MARS1: variants seen among roughly 807,000 people sequenced by gnomAD.
MARS1 encodes the protein methionyl-tRNA synthetase 1.
Under a neutral mutation model 119.5 loss-of-function variants are expected in MARS1, and 80 were observed. The observed-to-expected ratio is 0.67, with a 90% confidence interval of 0.56 to 0.81. MARS1 has a LOEUF of 0.81. Among genes scored for constraint, MARS1 ranks in the 30% least tolerant of loss-of-function variants. The probability of loss-of-function intolerance (pLI) is 0.00; values close to 1 mark genes in which losing one functional copy is unlikely to be tolerated. For missense variants in MARS1, 945 were observed against 1,116.5 expected, an observed-to-expected ratio of 0.85 and a Z score of 2.19; for synonymous variants, 418 against 433.4, an observed-to-expected ratio of 0.96 and a Z score of 0.44.
intron 7 of MARS1, among the ~76,000 whole-genome samples, chr12:57,496,571 G>A (rs1335637732): frequency 2.0e-5 from 3 of 152,104 alleles, no homozygotes; most frequent in African/African-American, 7.2e-5. Context: ...TTGAGCCCAG[G>A]AGTTCGAGAC....
chr12:57,489,564 T>C lies in MARS1; in HGVS notation c.414+6T>C, dbSNP rs1474715784. 3 of 1,613,906 alleles carry C rather than the reference T, an allele frequency of 1.9e-6. No individual in the cohort carries two copies. The highest frequency in any genetic ancestry group is 2.5e-6 in the Non-Finnish European group (3 of 1,179,986). ...ACTGTCCTTTCCTGGCTGGGGTGAG[T>C]TGGGTCTTGAGATGAGGACTGGGGA... On this transcript the variant is annotated splice_donor_region_variant and intron_variant, in intron 4 of 20. Transcript: ENST00000262027.
chr12:57,508,042 C>T (rs1877306269), intron 11 of MARS1, among the ~76,000 whole-genome samples: 1 of 151,928 alleles, frequency 6.6e-6, no homozygotes, highest in Admixed American at 6.6e-5. Context: ...GGCAGAGGCG[C>T]TCCCCACATC....
rs1877098464 is a variant in MARS1, at chr12:57,504,712, T to TC, written c.1368+413_1368+414insC. 2.7e-5 allele frequency among the ~76,000 whole-genome samples: 4 copies of TC among 147,558 alleles called. No individual in the cohort carries two copies. In the South Asian group the frequency reaches 6.7e-4, roughly 25 times the overall value. On this transcript the variant is annotated intron_variant, in intron 11 of 20. Coordinates refer to ENST00000262027, the MANE Select transcript of MARS1 (RefSeq NM_004990.4). ...CCTGACTGATTTTTTTTTTTTTTTT[T>TC]TTTTTTTTGAGACAGAGTTTCGCTC...
chr12:57,509,700 G>A (rs1194597151), intron 11 of MARS1, among the ~76,000 whole-genome samples: 4 of 152,090 alleles, frequency 2.6e-5, no homozygotes, highest in East Asian at 3.9e-4. Context: ...GTGAGCCATC[G>A]TGCCTGGCCA....
Position 57,498,415 on chromosome 12 carries a change from TG to T in MARS1, c.888-4del. 6.2e-7 allele frequency: 1 copy of T among 1,613,338 alleles called. No homozygotes were observed. The highest frequency in any genetic ancestry group is 8.5e-7 in the Non-Finnish European group (1 of 1,179,898). On this transcript the variant is annotated splice_region_variant and splice_polypyrimidine_tract_variant and intron_variant, in intron 8 of 20. Transcript: ENST00000262027. The stretch of plus-strand genomic sequence containing the variant: ...CCCCCTAGCGATCACCATATTCCCT[TG>T]CAGGTACTCTCGCCTCCGCCAGTGG...
At chr12:57,508,728 A>T (rs1877367884) in intron 11 of MARS1, among the ~76,000 whole-genome samples, 1 of 8,002 alleles carries the variant, frequency 1.2e-4, no homozygotes, top group South Asian at 5.7e-3. Context: ...GAGGGAGAGC[A>T]TTTTTGTATT....
chr12:57,493,905 A>AAT (rs1218514080), intron 7 of MARS1, among the ~76,000 whole-genome samples: 3 of 61,614 alleles, frequency 4.9e-5, no homozygotes, highest in Non-Finnish European at 8.5e-5. Flanking sequence ...TATGTTATAT[A>AAT]ATATATATAA....
At chr12:57,500,580 G>C in intron 10 of MARS1, 58 bp downstream of exon 10, 1 of 1,507,884 alleles carries the variant, frequency 6.6e-7, no homozygotes, top group South Asian at 1.2e-5. Flanking sequence ...CTTAAGGGAC[G>C]CCCTTCCTGT....
intron 7 of MARS1, among the ~76,000 whole-genome samples, chr12:57,497,557 A>G (rs1373438213): frequency 6.6e-6 from 1 of 152,198 alleles, no homozygotes; most frequent in Non-Finnish European, 1.5e-5. Flanking sequence ...GTTGAATGGC[A>G]TGACCAGCAA....
At position 57,498,184 on chromosome 12, in the gene MARS1, G is replaced by GCTCATCACCAGTGCCCT; in HGVS notation, c.800_816dup (p.Pro273SerfsTer61). On this transcript the variant is annotated frameshift_variant, in exon 8 of 21. Coordinates refer to ENST00000262027, the MANE Select transcript of MARS1 (RefSeq NM_004990.4). LOFTEE classifies it high-confidence loss of function. ...TGCCTGTGGCTGGAGAAAGGAATGTGCTCATCACCAGTGCCCTCCCTTACG... is the reference window on the plus strand; with the variant it reads ...TGCCTGTGGCTGGAGAAAGGAATGTGCTCATCACCAGTGCCCTCTCATCACCAGTGCCCTCCCTTACG... The GCTCATCACCAGTGCCCT allele has an allele frequency of 6.2e-7, 1 of 1,614,092 alleles. No homozygotes were observed. Among genetic ancestry groups the GCTCATCACCAGTGCCCT allele is most frequent in the South Asian group, 1.1e-5 (1 of 91,080 alleles).
intron 9 of MARS1, 25 bp downstream of exon 9, chr12:57,498,648 A>G: frequency 6.2e-7 from 1 of 1,606,876 alleles, no homozygotes; most frequent in Non-Finnish European, 8.5e-7. Flanking sequence ...ATGAGGCAGA[A>G]ATGGGGCTTG....
At chr12:57,515,458 A>G in intron 18 of MARS1, 122 bp downstream of exon 18, 1 of 940,162 alleles carries the variant, frequency 1.1e-6, no homozygotes. Context: ...TAAGTTTCTG[A>G]TATAAAGTCC....
intron 4 of MARS1, 95 bp downstream of exon 4, chr12:57,489,653 A>C (rs1405848466): frequency 6.6e-7 from 1 of 1,515,310 alleles, no homozygotes; most frequent in Non-Finnish European, 9.1e-7. Flanking sequence ...CAACACTGCC[A>C]CTTACTAGTA....
rs1051420158 is a variant in MARS1, at chr12:57,514,986, T to C, written c.2132T>C (p.Ile711Thr). The C allele has an allele frequency of 2.5e-6, 4 of 1,614,066 alleles. No individual in the cohort carries two copies. In the African/African-American group the frequency reaches 4.0e-5, roughly 16 times the overall value. The change falls in exon 17 of 21, where the codon ATA (isoleucine) becomes ACA (threonine). Residue 711 changes from isoleucine (I) to threonine (T), a missense_variant. Physicochemically the swap from Ile to Thr is moderately conservative, Grantham distance 89. Coordinates refer to ENST00000262027, the MANE Select transcript of MARS1 (RefSeq NM_004990.4). ...IRDALRSILT[I>T]SRHGNQYIQV... is the part of the protein sequence containing the mutation. ...GATGCCTTGCGCAGTATCCTCACCA[T>C]ATCTCGACATGGCAACCAATATATT...
Position 57,489,092 on chromosome 12 carries a change from C to T in MARS1, c.183C>T (p.Ser61=). The T allele has an allele frequency of 6.2e-7, 1 of 1,614,072 alleles. No individual in the cohort carries two copies. The highest frequency in any genetic ancestry group is 1.7e-5 in the Admixed American group (1 of 60,008). The change falls in exon 2 of 21, where the codon TCC becomes TCT. Residue 61 remains serine, a synonymous_variant. Coordinates refer to ENST00000262027, the MANE Select transcript of MARS1 (RefSeq NM_004990.4). ...LQLDSGNYLF[S]TSAICRYFFL... ...TGGATAGCGGCAACTACCTCTTCTC[C>T]ACTAGTGCAATCTGCCGGTCAGTAT...
chr12:57,495,748 C>T (rs1876588278), intron 7 of MARS1, among the ~76,000 whole-genome samples: 1 of 152,232 alleles, frequency 6.6e-6, no homozygotes, highest in African/African-American at 2.4e-5. Flanking sequence ...TCTGCAATCC[C>T]AGCACCTCAG....
chr12:57,498,066 A>G, intron 7 of MARS1, 91 bp from the exon 8 acceptor site: 1 of 814,122 alleles, frequency 1.2e-6, no homozygotes, highest in Non-Finnish European at 2.1e-6. Flanking sequence ...TGACAGTAGA[A>G]CAAATCTGTG....
chr12:57,511,583 C>G, intron 11 of MARS1, 115 bp from the exon 12 acceptor site: 1 of 1,054,964 alleles, frequency 9.5e-7, no homozygotes, highest in South Asian at 1.5e-5. Context: ...ACTCTGTCTC[C>G]AAAAAAAAAG....
chr12:57,489,162 T>G, intron 2 of MARS1, 53 bp downstream of exon 2: 1 of 1,595,706 alleles, frequency 6.3e-7, no homozygotes, highest in Non-Finnish European at 8.6e-7. Flanking sequence ...CAGGCCTCAC[T>G]GTCATTTGTG....
Sources: gnomAD v4.1 joint callset for allele counts (sites outside exome capture counted in the v4.1 genomes callset) on GRCh38, gnomAD v4.1.1 for gene constraint, MANE v1.5 for transcripts, NCBI Gene and HGNC (gene_info 2026-07-23, HGNC 2026-07-21) for gene names.